Variants in CPA1 observed in about 807,000 individuals in gnomAD.
CPA1 encodes carboxypeptidase A1, also known as carboxypeptidase A1 (pancreatic).
A neutral mutation model predicts 48.7 loss-of-function variants in CPA1; 42 were observed. The observed-to-expected ratio is 0.86, with a 90% CI of 0.67 to 1.11. The LOEUF (loss-of-function observed/expected upper bound fraction) is 1.11. Ranked by LOEUF, CPA1 falls within the 50% of genes most tolerant of loss-of-function variation. The pLI, the probability that CPA1 is intolerant of heterozygous loss-of-function variation, is 0.00. For synonymous variants in CPA1, 203 were observed against 217.9 expected (o/e 0.93, Z 0.60); for missense variants, 477 against 544.7 (o/e 0.88, Z 1.24).
In CPA1 at chr7:130,382,608, C is replaced by T. The variant is rs1418418141; in HGVS notation, c.483+399C>T. 7.4e-4 allele frequency among the ~76,000 whole-genome samples: 111 copies of T among 149,930 alleles called. 1 individual carries two copies. The highest frequency in any genetic ancestry group is 1.6e-4 in the Non-Finnish European group (11 of 67,798). ...CCTCCCGAGTAGCTGAGACTACAAG[C>T]ACGTGCCACCATGCCCGGGTAATTT... On this transcript the variant is annotated intron_variant, in intron 4 of 9. Transcript: ENST00000011292.
chr7:130,380,845 T>C, intron 1 of CPA1: 1 of 578,276 alleles, frequency 1.7e-6, no homozygotes, highest in Non-Finnish European at 3.1e-6. Context: ...CTGGCTGGCT[T>C]GGAACAGAGA....
chr7:130,383,321 T>C, intron 4 of CPA1, 70 bp from the exon 5 acceptor site: 2 of 1,277,362 alleles, frequency 1.6e-6, no homozygotes, highest in Non-Finnish European at 2.3e-6. Context: ...GGTCGGGGTC[T>C]CCTTCAGGGC....
chr7:130,385,889 C>T lies in CPA1; in HGVS notation c.1038C>T (p.Thr346=), dbSNP rs782029402. Residue 346 remains threonine, a synonymous_variant, in exon 9 of 10, where the codon ACC becomes ACT. Coordinates refer to ENST00000011292, the MANE Select transcript of CPA1 (RefSeq NM_001868.4). The part of the protein sequence containing the change: ...AVTALASLYG[T]KFNYGSIIKA... ...CAGCCCTGGCCTCTCTCTACGGGAC[C>T]AAGTTCAACTATGGCAGCATCATCA... 6 of 1,614,134 alleles carry T rather than the reference C, an allele frequency of 3.7e-6. No homozygotes were observed. The highest frequency in any genetic ancestry group is 5.1e-6 in the Non-Finnish European group (6 of 1,180,002).
chr7:130,388,015 G>T lies in CPA1; in HGVS notation c.*4G>T. 1 of 1,613,776 alleles carries T rather than the reference G, an allele frequency of 6.2e-7. No homozygotes were observed. The highest frequency in any genetic ancestry group is 1.1e-5 in the South Asian group (1 of 91,062). On this transcript the variant is annotated 3_prime_UTR_variant, in exon 10 of 10. Transcript: ENST00000011292. ...CACCCTGAATCACCCCTACTGAGCTGACCCTTTGACACCCTTCTTGTCCTC... is the reference window on the plus strand; with the variant it reads ...CACCCTGAATCACCCCTACTGAGCTTACCCTTTGACACCCTTCTTGTCCTC...
intron 9 of CPA1, among the ~76,000 whole-genome samples, chr7:130,386,712 A>G (rs1486338308): frequency 2.0e-5 from 3 of 152,202 alleles, no homozygotes; most frequent in African/African-American, 7.2e-5. Flanking sequence ...TGTTTCATGT[A>G]CTTGGGATAT....
Position 130,382,187 on chromosome 7 carries a change from G to A in CPA1, c.461G>A (p.Gly154Glu). ...SKIQIGNTYEGRPIYVLKFST... is the reference protein window; with the variant it reads ...SKIQIGNTYEERPIYVLKFST... ...ATCCAGATTGGCAACACCTATGAAG[G>A]GCGTCCCATTTACGTGCTGAAGGTA... Residue 154 changes from glycine to glutamate, a missense_variant, in exon 4 of 10, where the codon GGG (glycine) becomes GAG (glutamate). By Grantham distance (98) the Gly-to-Glu change is moderately conservative (BLOSUM62 -2). Coordinates refer to ENST00000011292, the MANE Select transcript of CPA1 (RefSeq NM_001868.4). 4 of 1,614,146 alleles carry A rather than the reference G, an allele frequency of 2.5e-6. No individual in the cohort carries two copies. The highest frequency in any genetic ancestry group is 3.4e-6 in the Non-Finnish European group (4 of 1,179,988).
Position 130,381,711 on chromosome 7 carries a change from A to G in CPA1, c.229A>G (p.Ile77Val). Residue 77 changes from isoleucine (I) to valine (V), a missense_variant, in exon 3 of 10, where the codon ATC (isoleucine) becomes GTC (valine). Ile to Val is a conservative substitution (Grantham distance 29, BLOSUM62 3). Coordinates refer to ENST00000011292, the MANE Select transcript of CPA1 (RefSeq NM_001868.4). ...VPFPSIQAVK[I>V]FLESHGISYE... ...CTTCCCCAGCATCCAGGCGGTCAAG[A>G]TCTTTCTGGAGTCCCACGGCATCAG... 1 of 1,614,010 alleles carries G rather than the reference A, an allele frequency of 6.2e-7. No homozygotes were observed. The highest frequency in any genetic ancestry group is 1.1e-5 in the South Asian group (1 of 91,070).
intron 9 of CPA1, among the ~76,000 whole-genome samples, chr7:130,386,736 AT>A (rs1796481841): frequency 6.6e-6 from 1 of 152,238 alleles, no homozygotes; most frequent in Non-Finnish European, 1.5e-5. Context: ...CATGAATGAA[AT>A]AAGCAAAGAT....
Position 130,387,145 on chromosome 7 carries a change from C to T in CPA1, c.1073-679C>T, listed in dbSNP as rs1452029918. Among the ~76,000 whole-genome samples the T allele has an allele frequency of 6.6e-6, 1 of 152,190 alleles. No homozygotes were observed. Among genetic ancestry groups the T allele is most frequent in the Admixed American group, 6.5e-5 (1 of 15,284 alleles). ...TGAGGGGGCAGGGCTGCGTACACAC[C>T]TCACACGCTTCCTGCCTGAGTGCCT... On this transcript the variant is annotated intron_variant, in intron 9 of 9. Coordinates refer to ENST00000011292, the MANE Select transcript of CPA1 (RefSeq NM_001868.4). This position sits in a 1 kb window ranked among gnomAD's most constrained non-coding sequence, Gnocchi z 4.6.
Position 130,381,752 on chromosome 7 carries a change from C to A in CPA1, c.270C>A (p.Ile90=). The change falls in exon 3 of 10, where the codon ATC becomes ATA. Residue 90 remains isoleucine (I), a synonymous_variant. Coordinates refer to ENST00000011292, the MANE Select transcript of CPA1 (RefSeq NM_001868.4). ...ESHGISYETM[I]EDVQSLLDEE... ...ACGGCATCAGCTATGAGACCATGAT[C>A]GAGGACGTGCAGTCGCTGCTGGACG... is the stretch of plus-strand genomic sequence containing the variant. The A allele has an allele frequency of 6.2e-7, 1 of 1,614,168 alleles. No homozygotes were observed. The highest frequency in any genetic ancestry group is 8.5e-7 in the Non-Finnish European group (1 of 1,180,022).
At position 130,387,544 on chromosome 7, in the gene CPA1, G is replaced by A. The variant is rs1199188060; in HGVS notation, c.1073-280G>A. On this transcript the variant is annotated intron_variant, in intron 9 of 9. Coordinates refer to ENST00000011292, the MANE Select transcript of CPA1 (RefSeq NM_001868.4). This position sits in a 1 kb window ranked among gnomAD's most constrained non-coding sequence, Gnocchi z 4.6. ...CCGAAAGGGCTGTTGGACAGAGGCT[G>A]TTTTCAGAGGGGCTTGTGCAATTGC... 6.6e-6 allele frequency among the ~76,000 whole-genome samples: 1 copy of A among 152,228 alleles called. No individual in the cohort carries two copies. Among genetic ancestry groups the A allele is most frequent in the Non-Finnish European group, 1.5e-5 (1 of 68,028 alleles).
intron 2 of CPA1, 38 bp downstream of exon 2, chr7:130,381,217 G>T (rs769989860): frequency 1.3e-5 from 20 of 1,503,204 alleles, no homozygotes; most frequent in Non-Finnish European, 1.6e-5. Flanking sequence ...AGGCCCCAGG[G>T]TATCAGCTGG....
chr7:130,385,047 T>C, intron 7 of CPA1, 99 bp from the exon 8 acceptor site: 1 of 1,232,088 alleles, frequency 8.1e-7, no homozygotes, highest in Non-Finnish European at 1.2e-6. Flanking sequence ...GAGTGAGCCC[T>C]TCCATACCAC....
At chr7:130,381,989 C>A in intron 3 of CPA1, 119 bp from the exon 4 acceptor site, 1 of 1,196,000 alleles carries the variant, frequency 8.4e-7, no homozygotes, top group South Asian at 1.4e-5. Flanking sequence ...TCCATGTGGC[C>A]TGTGTGGTCG....
chr7:130,384,514 CT>C, intron 6 of CPA1, 21 bp from the exon 7 acceptor site: 1 of 1,609,654 alleles, frequency 6.2e-7, no homozygotes, highest in Non-Finnish European at 8.5e-7. Context: ...CTCGGGGTGG[CT>C]GATCCCATTT....
At chr7:130,386,163 A>G (rs1796472156) in intron 9 of CPA1, among the ~76,000 whole-genome samples, 1 of 151,972 alleles carries the variant, frequency 6.6e-6, no homozygotes, top group African/African-American at 2.4e-5. Flanking sequence ...GTTGGGGCCA[A>G]GTCTAGTTTC....
Position 130,385,900 on chromosome 7 carries a change from A to G in CPA1, c.1049A>G (p.Tyr350Cys), listed in dbSNP as rs1490781663. 4 of 1,613,970 alleles carry G rather than the reference A, an allele frequency of 2.5e-6. No individual in the cohort carries two copies. Among genetic ancestry groups the G allele is most frequent in the Non-Finnish European group, 3.4e-6 (4 of 1,180,000 alleles). ...TCTCTCTACGGGACCAAGTTCAACT[A>G]TGGCAGCATCATCAAGGCAATTTGT... ...LASLYGTKFN[Y>C]GSIIKAIYQA... The change falls in exon 9 of 10, where the codon TAT becomes TGT. Residue 350 changes from tyrosine to cysteine, a missense_variant. Transcript: ENST00000011292.
At chr7:130,381,294 T>C (rs1796400740) in intron 2 of CPA1, 115 bp downstream of exon 2, 1 of 719,474 alleles carries the variant, frequency 1.4e-6, no homozygotes, top group Non-Finnish European at 2.3e-6. Flanking sequence ...AGACATGGAA[T>C]TGACTCTGTT....
At position 130,385,001 on chromosome 7, in the gene CPA1, T is replaced by G. The variant is rs113805190; in HGVS notation, c.788-145T>G. ...CTGGGAGGGCAGTTCCCCCAGGTTA[T>G]AGAAGGCCTTTGGGCTTTCCTGAAT... On this transcript the variant is annotated intron_variant, in intron 7 of 9. Transcript: ENST00000011292. 232 of 776,450 alleles carry G rather than the reference T, an allele frequency of 3.0e-4. 2 individuals carry two copies. The African/African-American group carries it at 3.5e-3, about 12-fold the overall frequency. The allele number at this position is 776,450 out of a possible 1,614,324, so 48.1% of individuals were successfully genotyped here.
Sources: gnomAD v4.1 joint callset for allele counts (sites outside exome capture counted in the v4.1 genomes callset) on GRCh38, gnomAD v4.1.1 for gene constraint, Gnocchi (gnomAD v3.1) non-coding constraint, MANE v1.5 for transcripts, NCBI Gene and HGNC (gene_info 2026-07-23, HGNC 2026-07-21) for gene names.